SLFNL1: variants seen among roughly 807,000 people sequenced by gnomAD.
The protein encoded by SLFNL1 is schlafen like 1, also known as schlafen-like protein 1.
In SLFNL1, 26 loss-of-function variants were observed where a neutral mutation model predicts 32.5. The observed-to-expected ratio is 0.80, with a 90% CI of 0.59 to 1.11. SLFNL1 has a LOEUF of 1.11. Among genes scored for constraint, SLFNL1 ranks in the 50% least tolerant of loss-of-function variants. The pLI is 0.00. For missense variants in SLFNL1, 553 were observed against 546.5 expected (o/e 1.01, Z -0.12); for synonymous variants, 255 against 242.2 (o/e 1.05, Z -0.49).
chr1:41,019,668 A>G (rs1422699947), intron 3 of SLFNL1, among the ~76,000 whole-genome samples: 1 of 152,068 alleles, frequency 6.6e-6, no homozygotes, highest in African/African-American at 2.4e-5. Context: ...CCAACTCCCT[A>G]AGTCCCGGCC....
chr1:41,015,965 G>T lies in SLFNL1; in HGVS notation c.*141C>A. ...CAGGGTTGAAGCCACATGGGTGCCT[G>T]CTCATGTGCCATGTTGAAGGAGTCC... On this transcript the variant is annotated 3_prime_UTR_variant, in exon 6 of 6. Transcript: ENST00000302946. The T allele has an allele frequency of 8.5e-7, 1 of 1,170,528 alleles. No homozygotes were observed. Among genetic ancestry groups the T allele is most frequent in the Non-Finnish European group, 1.2e-6 (1 of 839,338 alleles). 72.5% of individuals were successfully genotyped at this position (1,170,528 alleles called of 1,614,324 possible). A position where few individuals can be genotyped will look rare whatever the true frequency, so the allele number is the denominator to read the frequency against.
Position 41,017,877 on chromosome 1 carries a change from A to G in SLFNL1, c.715T>C (p.Phe239Leu). ...ACGTAGCGCCGCACGTGGTGCTTGA[A>G]GGCCAGGCTGAGGTACTCGCCGCTA... ...RGSGEYLSLAFKHHVRRYVCA... is the reference protein window; with the variant it reads ...RGSGEYLSLALKHHVRRYVCA... Residue 239 changes from phenylalanine to leucine, a missense_variant, in exon 4 of 6, where the codon TTC (phenylalanine) becomes CTC (leucine). Physicochemically the swap from Phe to Leu is conservative, Grantham distance 22 (BLOSUM62 0). Transcript: ENST00000302946. This position sits in a 1 kb window ranked among gnomAD's most constrained non-coding sequence, Gnocchi z 4.9. 1 of 1,607,964 alleles carries G rather than the reference A, an allele frequency of 6.2e-7. No homozygotes were observed. Among genetic ancestry groups the G allele is most frequent in the Non-Finnish European group, 8.5e-7 (1 of 1,175,686 alleles).
Position 41,016,259 on chromosome 1 carries a change from A to G in SLFNL1, c.1102-31T>C, listed in dbSNP as rs761068851. ...GGGACATGGGAAAAGCATGTGGCCAAGCCCGCCTGGTCTCGGGCCTGTCCG... is the reference window on the plus strand; with the variant it reads ...GGGACATGGGAAAAGCATGTGGCCAGGCCCGCCTGGTCTCGGGCCTGTCCG... On this transcript the variant is annotated intron_variant, in intron 5 of 5. Coordinates refer to ENST00000302946, the MANE Select transcript of SLFNL1 (RefSeq NM_144990.4). 1.9e-6 allele frequency: 3 copies of G among 1,612,014 alleles called. No individual in the cohort carries two copies. In the Admixed American group the frequency reaches 5.0e-5, roughly 27 times the overall value.
In SLFNL1 at chr1:41,015,937, T is replaced by C; in HGVS notation, c.*169A>G. The C allele has an allele frequency of 1.2e-6, 1 of 837,892 alleles. No individual in the cohort carries two copies. The highest frequency in any genetic ancestry group is 1.8e-5 in the South Asian group (1 of 55,924). The allele number at this position is 837,892 out of a possible 1,614,324, so 51.9% of individuals were successfully genotyped here. On this transcript the variant is annotated 3_prime_UTR_variant, in exon 6 of 6. Transcript: ENST00000302946. Reference sequence around the variant, plus strand: ...AGTTTCTTGGCTACACAGATGGGTCTGTCAGGGTTGAAGCCACATGGGTGC... The same window carrying C: ...AGTTTCTTGGCTACACAGATGGGTCCGTCAGGGTTGAAGCCACATGGGTGC...
chr1:41,016,015 T>A lies in SLFNL1; in HGVS notation c.*91A>T. On this transcript the variant is annotated 3_prime_UTR_variant, in exon 6 of 6. Coordinates refer to ENST00000302946, the MANE Select transcript of SLFNL1 (RefSeq NM_144990.4). Reference sequence around the variant, plus strand: ...CCTGTCCGCCTCTCAGCAGCCCGCATGGGCTTTACTGGTTGGCCTTACACT... The same window carrying A: ...CCTGTCCGCCTCTCAGCAGCCCGCAAGGGCTTTACTGGTTGGCCTTACACT... The A allele has an allele frequency of 6.7e-7, 1 of 1,496,656 alleles. No individual in the cohort carries two copies. The highest frequency in any genetic ancestry group is 9.0e-7 in the Non-Finnish European group (1 of 1,115,836). 92.7% of individuals were successfully genotyped at this position (1,496,656 alleles called of 1,614,324 possible). A position where few individuals can be genotyped will look rare whatever the true frequency, so the allele number is the denominator to read the frequency against.
chr1:41,018,503 AG>A (rs769409884), intron 3 of SLFNL1: 19 of 223,506 alleles, frequency 8.5e-5, no homozygotes, highest in Non-Finnish European at 1.2e-4. Context: ...GGTTGCAGAC[AG>A]GCCCCTGAGG....
rs1643735000 is a variant in SLFNL1 at position 41,020,288 on chromosome 1, G to A, written c.373C>T (p.Leu125=). The A allele has an allele frequency of 1.9e-6, 3 of 1,613,270 alleles. No individual in the cohort carries two copies. Among genetic ancestry groups the A allele is most frequent in the Non-Finnish European group, 2.5e-6 (3 of 1,179,726 alleles). Residue 125 remains leucine, a synonymous_variant, in exon 3 of 6, where the codon CTG becomes TTG. Coordinates refer to ENST00000302946, the MANE Select transcript of SLFNL1 (RefSeq NM_144990.4). ...AGCAGGTCCTTCCCACGGGCTGCCA[G>A]CTCCTTGAGGATTAGGTGCTCCTCC... The part of the protein sequence containing the change: ...ALEEHLILKE[L]AARGKDLLLS...
At chr1:41,018,466 A>C (rs1571020136) in intron 3 of SLFNL1, 2 of 309,692 alleles carry the variant, frequency 6.5e-6, no homozygotes, top group Non-Finnish European at 5.9e-6. Flanking sequence ...GTGCTGGGAC[A>C]TGTGTGGGCC....
At chr1:41,021,330 A>T (rs750502050) in intron 1 of SLFNL1, 1 of 152,612 alleles carries the variant, frequency 6.6e-6, no homozygotes, top group Non-Finnish European at 1.5e-5. Context: ...TTGCATATAA[A>T]CATAACTTAA....
rs1643453094 is a variant in SLFNL1 at position 41,017,575 on chromosome 1, TC to T, written c.957+59del. 6.6e-7 allele frequency: 1 copy of T among 1,506,906 alleles called. No individual in the cohort carries two copies. Among genetic ancestry groups the T allele is most frequent in the Non-Finnish European group, 8.9e-7 (1 of 1,128,592 alleles). 93.3% of individuals were successfully genotyped at this position (1,506,906 alleles called of 1,614,324 possible). A position where few individuals can be genotyped will look rare whatever the true frequency, so the allele number is the denominator to read the frequency against. On this transcript the variant is annotated intron_variant, in intron 4 of 5. Transcript: ENST00000302946. This position sits in a 1 kb window ranked among gnomAD's most constrained non-coding sequence, Gnocchi z 4.9. ...CACTGCCTGGCAGGAGTGCAGGCCA[TC>T]GTCTTACTGAGTGATGACAGATGAC... is the stretch of plus-strand genomic sequence containing the variant.
At chr1:41,016,345 C>T in intron 5 of SLFNL1, 117 bp from the exon 6 acceptor site, 1 of 1,473,622 alleles carries the variant, frequency 6.8e-7, no homozygotes, top group African/African-American at 1.4e-5. Flanking sequence ...AGAGCTTTCT[C>T]AGCTAGGGGA....
At chr1:41,020,041 T>C (rs1178322934) in intron 3 of SLFNL1, among the ~76,000 whole-genome samples, 185 bp downstream of exon 3, 1 of 152,226 alleles carries the variant, frequency 6.6e-6, no homozygotes, top group African/African-American at 2.4e-5. Context: ...CAAACTGTTT[T>C]TCCCAGAGAA....
Position 41,017,233 on chromosome 1 carries a change from C to G in SLFNL1, c.1101+1G>C. The G allele has an allele frequency of 6.4e-7, 1 of 1,565,606 alleles. No individual in the cohort carries two copies. Among genetic ancestry groups the G allele is most frequent in the Non-Finnish European group, 8.6e-7 (1 of 1,158,490 alleles). On this transcript the variant is annotated splice_donor_variant, in intron 5 of 5. Coordinates refer to ENST00000302946, the MANE Select transcript of SLFNL1 (RefSeq NM_144990.4). LOFTEE classifies it high-confidence loss of function. The surrounding 1 kb of genome is among the most constrained non-coding windows in gnomAD (Gnocchi z 4.9). ...CCACCCACTGGCCTCAGCTTCCGTACCTGCCTGCACCACTCCTGGATGGCG... is the reference window on the plus strand; with the variant it reads ...CCACCCACTGGCCTCAGCTTCCGTAGCTGCCTGCACCACTCCTGGATGGCG...
chr1:41,020,442 C>T lies in SLFNL1; in HGVS notation c.219G>A (p.Arg73=), dbSNP rs1454969850. Residue 73 remains arginine (R), a synonymous_variant, in exon 3 of 6, where the codon CGG becomes CGA. Coordinates refer to ENST00000302946, the MANE Select transcript of SLFNL1 (RefSeq NM_144990.4). ...GCTCCCGCGCCACCGGCATCTCCAG[C>T]CGCTCCAGGGTGTCTCGCAGCAGGC... is the stretch of plus-strand genomic sequence containing the variant. ...LACLLRDTLE[R]LEMPVAREHI... The T allele has an allele frequency of 1.2e-6, 2 of 1,613,324 alleles. No homozygotes were observed. Among genetic ancestry groups the T allele is most frequent in the South Asian group, 1.1e-5 (1 of 91,084 alleles).
At chr1:41,020,901 G>A (rs1558214823) in intron 1 of SLFNL1, 31 bp from the exon 2 acceptor site, 1 of 540,240 alleles carries the variant, frequency 1.9e-6, no homozygotes. Flanking sequence ...CACGTGGACT[G>A]AGCAAGACAC....
chr1:41,018,316 A>C (rs1571018989), intron 3 of SLFNL1, 160 bp from the exon 4 acceptor site: 2 of 652,190 alleles, frequency 3.1e-6, no homozygotes, highest in Non-Finnish European at 4.7e-6. Flanking sequence ...AGTTCTGCCC[A>C]CCCTCCTGCA....
Position 41,018,162 on chromosome 1 carries a change from G to T in SLFNL1, c.436-6C>A, listed in dbSNP as rs1356621997. ...TCCTCCTCCTCCTCCTTCTCCTAGG[G>T]TGGTAGTCAAGAATGAATGTATGGG... is the stretch of plus-strand genomic sequence containing the variant. On this transcript the variant is annotated splice_polypyrimidine_tract_variant and splice_region_variant and intron_variant, in intron 3 of 5. Transcript: ENST00000302946. The T allele has an allele frequency of 1.3e-5, 19 of 1,465,534 alleles. No homozygotes were observed. The Admixed American group carries it at 3.7e-4, about 29-fold the overall frequency. 90.8% of individuals were successfully genotyped at this position (1,465,534 alleles called of 1,614,324 possible).
Position 41,020,389 on chromosome 1 carries a change from T to C in SLFNL1, c.272A>G (p.Lys91Arg), listed in dbSNP as rs1427766936. Residue 91 changes from lysine to arginine, a missense_variant, in exon 3 of 6, where the codon AAG (lysine) becomes AGG (arginine). Lys to Arg is a conservative substitution (Grantham distance 26). Transcript: ENST00000302946. ...EHIEVVRRPRKAYALVQVTVH... is the reference protein window; with the variant it reads ...EHIEVVRRPRRAYALVQVTVH... ...AGTCACCTGCACCAGTGCATAGGCC[T>C]TCCGCGGCCGCCTCACCACTTCAAT... 1.9e-6 allele frequency: 3 copies of C among 1,613,032 alleles called. No homozygotes were observed. Among genetic ancestry groups the C allele is most frequent in the Non-Finnish European group, 2.5e-6 (3 of 1,180,016 alleles).
chr1:41,017,447 G>C lies in SLFNL1; in HGVS notation c.958-70C>G. 3.9e-6 allele frequency: 6 copies of C among 1,554,802 alleles called. No homozygotes were observed. The highest frequency in any genetic ancestry group is 5.2e-6 in the Non-Finnish European group (6 of 1,151,984). ...TCGGCAGCCCCCATCCTGCCAGGCTGCTCAGCATTGCTCACTGATTCCTTA... is the reference window on the plus strand; with the variant it reads ...TCGGCAGCCCCCATCCTGCCAGGCTCCTCAGCATTGCTCACTGATTCCTTA... On this transcript the variant is annotated intron_variant, in intron 4 of 5. Transcript: ENST00000302946. The surrounding 1 kb of genome is among the most constrained non-coding windows in gnomAD (Gnocchi z 4.9).
Sources: gnomAD v4.1 joint callset for allele counts (sites outside exome capture counted in the v4.1 genomes callset) on GRCh38, gnomAD v4.1.1 for gene constraint, Gnocchi (gnomAD v3.1) non-coding constraint, MANE v1.5 for transcripts, NCBI Gene and HGNC (gene_info 2026-07-23, HGNC 2026-07-21) for gene names.